The following CAMTA1 variants were observed in gnomAD, a reference collection of about 807,000 sequenced individuals.
The protein encoded by CAMTA1 is calmodulin binding transcription activator 1.
In CAMTA1, 27 loss-of-function variants were observed where a neutral mutation model predicts 170.9. The observed-to-expected ratio is 0.16, with a 90% CI of 0.12 to 0.22. The LOEUF (loss-of-function observed/expected upper bound fraction) is 0.22, where lower values mean the gene tolerates loss of function less well. Ranked by LOEUF, CAMTA1 falls within the 10% of genes least tolerant of loss-of-function variation. The pLI is 1.00. For synonymous variants in CAMTA1, 833 were observed against 891.5 expected (o/e 0.93, Z 1.17); for missense variants, 1,619 against 2,217.2 (o/e 0.73, Z 5.42).
intron 3 of CAMTA1, among the ~76,000 whole-genome samples, chr1:7,052,520 C>T (rs1384514047): frequency 6.6e-6 from 1 of 152,152 alleles, no homozygotes; most frequent in East Asian, 1.9e-4. Context: ...TTGTGCTGCC[C>T]CAGCCATTCC....
chr1:7,475,042 T>A (rs371882550), intron 6 of CAMTA1, among the ~76,000 whole-genome samples: 17 of 152,332 alleles, frequency 1.1e-4, no homozygotes, highest in African/African-American at 4.1e-4. Context: ...TCCACCCGGA[T>A]GAGCTGGGCT....
At position 7,766,455 on chromosome 1, in the gene CAMTA1, C is replaced by T; in HGVS notation, c.4990-4C>T. 1 of 1,613,876 alleles carries T rather than the reference C, an allele frequency of 6.2e-7. No individual in the cohort carries two copies. The highest frequency in any genetic ancestry group is 8.5e-7 in the Non-Finnish European group (1 of 1,179,838). The stretch of plus-strand genomic sequence containing the variant: ...CCTGCTGTTTTGTTTTGTTTCTCTT[C>T]CAGAGTGAAAGAATTGAAAAAGGCC... On this transcript the variant is annotated splice_region_variant and splice_polypyrimidine_tract_variant and intron_variant, in intron 22 of 22. Coordinates refer to ENST00000303635, the MANE Select transcript of CAMTA1 (RefSeq NM_015215.4).
chr1:7,707,668 A>T (rs1170128305), intron 11 of CAMTA1, among the ~76,000 whole-genome samples: 1 of 152,176 alleles, frequency 6.6e-6, no homozygotes, highest in Admixed American at 6.5e-5. Context: ...TGATGGTGGG[A>T]GAAGTCCAGA....
intron 4 of CAMTA1, among the ~76,000 whole-genome samples, chr1:7,188,018 T>C (rs1653760062): frequency 6.6e-6 from 1 of 152,162 alleles, no homozygotes; most frequent in African/African-American, 2.4e-5. Flanking sequence ...CTTACAATCA[T>C]GGTGGAAGCT....
chr1:7,221,237 T>A (rs1660705845), intron 4 of CAMTA1, among the ~76,000 whole-genome samples: 1 of 150,526 alleles, frequency 6.6e-6, no homozygotes, highest in Non-Finnish European at 1.5e-5. Flanking sequence ...TTTTTTTTTT[T>A]AATCTTTAGA....
intron 5 of CAMTA1, among the ~76,000 whole-genome samples, chr1:7,359,672 A>G (rs538073768): frequency 6.6e-6 from 1 of 152,320 alleles, no homozygotes; most frequent in South Asian, 2.1e-4. Context: ...CAGATGGGCC[A>G]GTGGACCATA....
At position 7,738,310 on chromosome 1, in the gene CAMTA1, GA is replaced by G; in HGVS notation, c.4013del (p.Asn1338IlefsTer7). Reference sequence around the variant, plus strand: ...GGTGTGTCTACAGTACAGGTGACTGGAAATCCGAAGGGGACCAGTGTAGGAA... The same window carrying G: ...GGTGTGTCTACAGTACAGGTGACTGGAATCCGAAGGGGACCAGTGTAGGAA... Reference protein sequence around the residue: ...YIGVSTVQVTGNPKGTSVGKE... With the variant: ...YIGVSTVQVTXNPKGTSVGKE... On this transcript the variant is annotated frameshift_variant, in exon 16 of 23. Coordinates refer to ENST00000303635, the MANE Select transcript of CAMTA1 (RefSeq NM_015215.4). LOFTEE classifies it high-confidence loss of function. The surrounding 1 kb of genome is among the most constrained non-coding windows in gnomAD (Gnocchi z 4.9). The G allele has an allele frequency of 6.2e-7, 1 of 1,614,182 alleles. No homozygotes were observed. Among genetic ancestry groups the G allele is most frequent in the Non-Finnish European group, 8.5e-7 (1 of 1,180,046 alleles).
At chr1:7,363,445 C>T (rs1420044744) in intron 5 of CAMTA1, among the ~76,000 whole-genome samples, 1 of 152,048 alleles carries the variant, frequency 6.6e-6, no homozygotes, top group Non-Finnish European at 1.5e-5. Flanking sequence ...GAGGAATGAT[C>T]TGGGGGTGAC....
At position 7,544,189 on chromosome 1, in the gene CAMTA1, A is replaced by T. The variant is rs560646282; in HGVS notation, c.510+76288A>T. ...AGAATCATGGTGGGAAGCAAAAGGC[A>T]CTTCTTACATGGCGGTGGCAAGAGA... On this transcript the variant is annotated intron_variant, in intron 6 of 22. Coordinates refer to ENST00000303635, the MANE Select transcript of CAMTA1 (RefSeq NM_015215.4). Among the ~76,000 whole-genome samples the T allele has an allele frequency of 1.5e-4, 23 of 152,332 alleles. No individual in the cohort carries two copies. The South Asian group carries it at 3.7e-3, about 25-fold the overall frequency.
chr1:7,461,662 C>T (rs545049954), intron 5 of CAMTA1, among the ~76,000 whole-genome samples: 1 of 152,320 alleles, frequency 6.6e-6, no homozygotes. Context: ...AATGGGAGGT[C>T]AACAGCAAGC....
intron 6 of CAMTA1, among the ~76,000 whole-genome samples, chr1:7,558,344 AG>A (rs1290914222): frequency 2.6e-5 from 4 of 152,272 alleles, no homozygotes; most frequent in South Asian, 4.1e-4. Context: ...CAAGGCCGCC[AG>A]GGTTGAAGGC....
chr1:6,908,291 G>A (rs965282606), intron 3 of CAMTA1, among the ~76,000 whole-genome samples: 5 of 152,222 alleles, frequency 3.3e-5, no homozygotes, highest in African/African-American at 1.2e-4. Context: ...CGCCTCTTGT[G>A]TCCAGCAGTG....
At chr1:7,425,341 G>A (rs970769676) in intron 5 of CAMTA1, among the ~76,000 whole-genome samples, 3 of 152,126 alleles carry the variant, frequency 2.0e-5, no homozygotes, top group Non-Finnish European at 4.4e-5. Context: ...GGCCAGCGGG[G>A]CTCTTGGCAT....
intron 3 of CAMTA1, among the ~76,000 whole-genome samples, chr1:6,930,170 C>T (rs1553189379): frequency 6.6e-6 from 1 of 152,136 alleles, no homozygotes; most frequent in Non-Finnish European, 1.5e-5. Context: ...GCCCAGACGC[C>T]CTCTCCTGAA....
Position 7,457,146 on chromosome 1 carries a change from C to G in CAMTA1, c.439-10684C>G, listed in dbSNP as rs192720194. On this transcript the variant is annotated intron_variant, in intron 5 of 22. Coordinates refer to ENST00000303635, the MANE Select transcript of CAMTA1 (RefSeq NM_015215.4). ...TTGAGATTCATGACTTGGATCAACT[C>G]TTTCTCTAAATCTAAATTTACCTTA... Among the ~76,000 whole-genome samples, 1,151 of 149,746 alleles carry G rather than the reference C, an allele frequency of 7.7e-3. 17 individuals carry two copies. The highest frequency in any genetic ancestry group is 0.026 in the African/African-American group (1,064 of 40,748).
intron 3 of CAMTA1, among the ~76,000 whole-genome samples, chr1:6,942,509 T>C (rs1686819854): frequency 6.6e-6 from 1 of 151,826 alleles, no homozygotes; most frequent in African/African-American, 2.4e-5. Flanking sequence ...AAAATAATGA[T>C]AAAAAATTAG....
intron 5 of CAMTA1, among the ~76,000 whole-genome samples, chr1:7,273,766 ATAAT>A (rs1670187753): frequency 6.6e-6 from 1 of 152,246 alleles, no homozygotes; most frequent in African/African-American, 2.4e-5. Flanking sequence ...TTAAAATAAG[ATAAT>A]TGATTGTCTA....
At chr1:7,297,000 G>A (rs951673408) in intron 5 of CAMTA1, among the ~76,000 whole-genome samples, 3 of 152,180 alleles carry the variant, frequency 2.0e-5, no homozygotes, top group African/African-American at 7.2e-5. Context: ...GGAGGAAATG[G>A]TTAGCTGTGC....
At position 7,664,225 on chromosome 1, in the gene CAMTA1, C is replaced by T. The variant is rs746532446; in HGVS notation, c.1678C>T (p.Leu560Phe). The T allele has an allele frequency of 6.2e-7, 1 of 1,612,654 alleles. No individual in the cohort carries two copies. The highest frequency in any genetic ancestry group is 8.5e-7 in the Non-Finnish European group (1 of 1,179,958). ...CGCGGCGGCTGTGGCAGCCAGCTCC[C>T]TCACCCTGACCGCCGGCTCCAGCCT... ...SSAAAVAASS[L>F]TLTAGSSLLP... Residue 560 changes from leucine (L) to phenylalanine (F), a missense_variant, in exon 9 of 23, where the codon CTC becomes TTC. Around this residue, in one of 8 missense-constraint regions of CAMTA1, gnomAD observed 731 missense variants for 907.6 expected, o/e 0.81. Coordinates refer to ENST00000303635, the MANE Select transcript of CAMTA1 (RefSeq NM_015215.4).
Sources: allele counts gnomAD v4.1 joint callset (sites outside exome capture counted in the v4.1 genomes callset), GRCh38; gene constraint gnomAD v4.1.1; regional missense constraint gnomAD v4.1.1; non-coding constraint Gnocchi (gnomAD v3.1); transcripts MANE v1.5; gene names NCBI Gene and HGNC (gene_info 2026-07-23, HGNC 2026-07-21).